The following AGPAT3 variants were observed in gnomAD, a reference collection of about 807,000 sequenced individuals.
AGPAT3 encodes 1-acylglycerol-3-phosphate O-acyltransferase 3, also known as 1-acyl-sn-glycerol-3-phosphate acyltransferase gamma.
Under a neutral mutation model 47.3 loss-of-function variants are expected in AGPAT3, and 5 were observed. The observed-to-expected ratio is 0.11, with a 90% CI of 0.06 to 0.22. AGPAT3 has a LOEUF of 0.22. Among genes scored for constraint, AGPAT3 ranks in the 10% least tolerant of loss-of-function variants. The probability of loss-of-function intolerance (pLI) is 1.00; values close to 1 mark genes in which losing one functional copy is unlikely to be tolerated. For missense variants in AGPAT3, 315 were observed against 493.0 expected (o/e 0.64, Z 3.42); for synonymous variants, 212 against 208.3 (o/e 1.02, Z -0.15).
In AGPAT3 at chr21:43,922,996, C is replaced by G. The variant is rs75186382; in HGVS notation, c.-49+18977C>G. On this transcript the variant is annotated intron_variant, in intron 2 of 9. Coordinates refer to ENST00000291572, the MANE Select transcript of AGPAT3 (RefSeq NM_020132.5). This position sits in a 1 kb window ranked among gnomAD's most constrained non-coding sequence, Gnocchi z 4.9. Reference sequence around the variant, plus strand: ...CTGTTTCTTTCTCCCCATGCTCACACGGGGTTTTTAGACTTTGTGAAGGGT... The same window carrying G: ...CTGTTTCTTTCTCCCCATGCTCACAGGGGGTTTTTAGACTTTGTGAAGGGT... Among the ~76,000 whole-genome samples, 381 of 152,300 alleles carry G rather than the reference C, an allele frequency of 2.5e-3. 4 individuals are homozygous for G. The East Asian group carries it at 0.058, about 23-fold the overall frequency.
At chr21:43,912,915 C>T (rs1016024127) in intron 2 of AGPAT3, among the ~76,000 whole-genome samples, 16 of 152,190 alleles carry the variant, frequency 1.1e-4, no homozygotes, top group African/African-American at 3.6e-4. Context: ...CGGTGTTTGC[C>T]CAGCGAGTGA....
In AGPAT3 at chr21:43,985,894, A is replaced by T. The variant is rs746613999; in HGVS notation, c.*3502A>T. The T allele has an allele frequency of 2.0e-5, 3 of 152,528 alleles. No homozygotes were observed. The highest frequency in any genetic ancestry group is 2.9e-5 in the Non-Finnish European group (2 of 68,268). 9.4% of individuals were successfully genotyped at this position (152,528 alleles called of 1,614,324 possible). ...ACCTAGGCTCAGGGTTCAAACGGCC[A>T]GCCCGAAAAGCCTGCCTGCCTTCTT... On this transcript the variant is annotated 3_prime_UTR_variant, in exon 10 of 10. Transcript: ENST00000291572.
intron 1 of AGPAT3, among the ~76,000 whole-genome samples, chr21:43,877,361 C>T (rs1257397845): frequency 1.3e-5 from 2 of 152,126 alleles, no homozygotes; most frequent in African/African-American, 4.8e-5. Flanking sequence ...ATGGCATATG[C>T]CAGTAATAGT....
rs144237437 is a variant in AGPAT3, at chr21:43,939,877, C to A, written c.-48-19757C>A. 6.6e-6 allele frequency among the ~76,000 whole-genome samples: 1 copy of A among 152,326 alleles called. No individual in the cohort carries two copies. Among genetic ancestry groups the A allele is most frequent in the East Asian group, 1.9e-4 (1 of 5,186 alleles). The stretch of plus-strand genomic sequence containing the variant: ...CTGGCCCTGTGACTCTGCCTGTTTA[C>A]AGTGAGCAGCTCCTGGCCAAAAGCT... On this transcript the variant is annotated intron_variant, in intron 2 of 9. Transcript: ENST00000291572. This position sits in a 1 kb window ranked among gnomAD's most constrained non-coding sequence, Gnocchi z 4.4.
intron 1 of AGPAT3, among the ~76,000 whole-genome samples, chr21:43,888,880 T>A (rs1360870987): frequency 6.6e-6 from 1 of 151,990 alleles, no homozygotes; most frequent in Admixed American, 6.6e-5. Flanking sequence ...TACCAGCTAC[T>A]CAGGAGGCTG....
At chr21:43,959,996 G>C (rs1163195473) in intron 3 of AGPAT3, 137 bp downstream of exon 3, 2 of 924,242 alleles carry the variant, frequency 2.2e-6, no homozygotes, top group African/African-American at 1.7e-5. Flanking sequence ...TGGCTGGCAG[G>C]CTGTCGGAAG....
intron 2 of AGPAT3, among the ~76,000 whole-genome samples, chr21:43,937,256 C>T (rs1329069927): frequency 1.3e-5 from 2 of 152,112 alleles, no homozygotes; most frequent in Non-Finnish European, 2.9e-5. Flanking sequence ...GAAGTTGGTC[C>T]CTAGATATGT....
intron 2 of AGPAT3, among the ~76,000 whole-genome samples, chr21:43,923,571 G>T (rs1449396493): frequency 6.6e-6 from 1 of 152,212 alleles, no homozygotes; most frequent in Non-Finnish European, 1.5e-5. Flanking sequence ...GCCAATCCCA[G>T]GTTGTGATCC....
Position 43,939,539 on chromosome 21 carries a change from C to G in AGPAT3, c.-48-20095C>G, listed in dbSNP as rs191565460. Among the ~76,000 whole-genome samples the G allele has an allele frequency of 5.3e-5, 8 of 152,170 alleles. No individual in the cohort carries two copies. The highest frequency in any genetic ancestry group is 1.9e-4 in the African/African-American group (8 of 41,438). On this transcript the variant is annotated intron_variant, in intron 2 of 9. Coordinates refer to ENST00000291572, the MANE Select transcript of AGPAT3 (RefSeq NM_020132.5). This position sits in a 1 kb window ranked among gnomAD's most constrained non-coding sequence, Gnocchi z 4.4. ...GCGTGGGAGCTCTGAACATGGGACCCGGAGCACCACCGTTTAGCAAACCTT... is the reference window on the plus strand; with the variant it reads ...GCGTGGGAGCTCTGAACATGGGACCGGGAGCACCACCGTTTAGCAAACCTT...
chr21:43,868,931 A>G (rs1569037047), intron 1 of AGPAT3, among the ~76,000 whole-genome samples: 1 of 152,236 alleles, frequency 6.6e-6, no homozygotes. Flanking sequence ...ACAAAGGTCC[A>G]ATAGAATCCA....
chr21:43,873,473 G>A (rs2085667181), intron 1 of AGPAT3, among the ~76,000 whole-genome samples: 2 of 152,144 alleles, frequency 1.3e-5, no homozygotes, highest in Admixed American at 6.5e-5. Context: ...TGCCTCCCGG[G>A]TTCAAGCGAT....
chr21:43,906,966 T>TGGCAG (rs1360045670), intron 2 of AGPAT3, among the ~76,000 whole-genome samples: 14 of 151,316 alleles, frequency 9.3e-5, no homozygotes, highest in Non-Finnish European at 1.8e-4. Flanking sequence ...GTAGCTGCCC[T>TGGCAG]GGCAGGAGGC....
At chr21:43,977,983 C>T in intron 7 of AGPAT3, 63 bp from the exon 8 acceptor site, 1 of 1,377,444 alleles carries the variant, frequency 7.3e-7, no homozygotes, top group Non-Finnish European at 1.0e-6. Flanking sequence ...TTCCCCTGTG[C>T]CCTCTTTCTA....
At chr21:43,916,277 T>C (rs150815067) in intron 2 of AGPAT3, 11 of 152,362 alleles carry the variant, frequency 7.2e-5, no homozygotes, top group African/African-American at 2.2e-4. Context: ...TGTTTATATG[T>C]CTGACAGCCT....
chr21:43,987,412 G>T lies in AGPAT3; in HGVS notation c.*5020G>T, dbSNP rs560319364. 6.6e-5 allele frequency among the ~76,000 whole-genome samples: 10 copies of T among 152,302 alleles called. 1 individual carries two copies. The South Asian group carries it at 1.0e-3, about 16-fold the overall frequency. On this transcript the variant is annotated 3_prime_UTR_variant, in exon 10 of 10. Coordinates refer to ENST00000291572, the MANE Select transcript of AGPAT3 (RefSeq NM_020132.5). The stretch of plus-strand genomic sequence containing the variant: ...GCCAGTCCACAAAAATACGCAAAAT[G>T]ACCTGATGATGTCCAAAAAAGGGTT...
chr21:43,960,165 C>T (rs536503130), intron 3 of AGPAT3, among the ~76,000 whole-genome samples: 8 of 152,350 alleles, frequency 5.3e-5, no homozygotes, highest in South Asian at 2.1e-4. Context: ...CGTTACCAAG[C>T]TCCAACAGCT....
intron 4 of AGPAT3, 99 bp downstream of exon 4, chr21:43,968,214 T>C: frequency 2.0e-5 from 10 of 496,840 alleles, no homozygotes; most frequent in Non-Finnish European, 2.7e-5. Context: ...GAGCAGGGGG[T>C]CCCTGCAGGG....
At chr21:43,979,810 G>C (rs1439917040) in intron 8 of AGPAT3, among the ~76,000 whole-genome samples, 1 of 152,220 alleles carries the variant, frequency 6.6e-6, no homozygotes. Context: ...GGTGCTCAGG[G>C]GTGGCCAGGA....
At chr21:43,938,705 T>G (rs902427994) in intron 2 of AGPAT3, among the ~76,000 whole-genome samples, 14 of 152,238 alleles carry the variant, frequency 9.2e-5, no homozygotes, top group Non-Finnish European at 1.8e-4. Context: ...TTACCGTGTT[T>G]GTTACATTGC....
Sources: allele counts gnomAD v4.1 joint callset (sites outside exome capture counted in the v4.1 genomes callset), GRCh38; gene constraint gnomAD v4.1.1; non-coding constraint Gnocchi (gnomAD v3.1); transcripts MANE v1.5; gene names NCBI Gene and HGNC (gene_info 2026-07-23, HGNC 2026-07-21).